Variants in GDPD5 observed in about 807,000 individuals in gnomAD.
GDPD5 encodes glycerophosphodiester phosphodiesterase 2.
A neutral mutation model predicts 75.1 loss-of-function variants in GDPD5; 48 were observed. The observed-to-expected ratio is 0.64, with a 90% CI of 0.51 to 0.81. The LOEUF (loss-of-function observed/expected upper bound fraction) is 0.81, where lower values mean the gene tolerates loss of function less well. Ranked by LOEUF, GDPD5 falls within the 40% of genes least tolerant of loss-of-function variation. The pLI is 0.00. For missense variants in GDPD5, 706 were observed against 822.6 expected (o/e 0.86, Z 1.73); for synonymous variants, 336 against 339.0 (o/e 0.99, Z 0.10).
At chr11:75,451,914 A>G (rs1039445904) in intron 6 of GDPD5, 1 of 152,182 alleles carries the variant, frequency 6.6e-6, no homozygotes, top group Non-Finnish European at 1.5e-5. Context: ...TAGCACTGAC[A>G]CCCAAAAACG....
intron 15 of GDPD5, among the ~76,000 whole-genome samples, chr11:75,439,180 A>AGGATTGTG (rs1948715583): frequency 6.6e-6 from 1 of 152,172 alleles, no homozygotes; most frequent in African/African-American, 2.4e-5. Context: ...AGCAGAAAAG[A>AGGATTGTG]GGATTGCGGG....
At chr11:75,477,525 G>A (rs763293179) in intron 3 of GDPD5, 94 bp downstream of exon 3, 13 of 692,272 alleles carry the variant, frequency 1.9e-5, no homozygotes, top group Middle Eastern at 2.6e-4. Context: ...TGTCCAGAGC[G>A]AGTCAGCAGA....
At chr11:75,487,189 T>C (rs1047165337) in intron 2 of GDPD5, among the ~76,000 whole-genome samples, 4 of 152,206 alleles carry the variant, frequency 2.6e-5, no homozygotes, top group Non-Finnish European at 5.9e-5. Context: ...CTCAGTCTAT[T>C]TTCCATTGCA....
chr11:75,481,599 T>A (rs1222012652), intron 2 of GDPD5, among the ~76,000 whole-genome samples: 1 of 151,988 alleles, frequency 6.6e-6, no homozygotes, highest in Non-Finnish European at 1.5e-5. Flanking sequence ...TAGGGTGCTC[T>A]CAGCTTTACT....
At chr11:75,492,661 A>G (rs1044325378) in intron 1 of GDPD5, among the ~76,000 whole-genome samples, 2 of 152,238 alleles carry the variant, frequency 1.3e-5, no homozygotes, top group African/African-American at 2.4e-5. Flanking sequence ...TCATAGGATC[A>G]TGGACTGCAC....
intron 1 of GDPD5, among the ~76,000 whole-genome samples, chr11:75,519,196 C>T (rs1313146275): frequency 6.6e-6 from 1 of 152,104 alleles, no homozygotes. Context: ...TCTGCCCAAG[C>T]TCTCCTCCTT....
intron 1 of GDPD5, among the ~76,000 whole-genome samples, chr11:75,518,586 G>A (rs183665490): frequency 1.5e-3 from 232 of 152,332 alleles, no homozygotes; most frequent in African/African-American, 5.0e-3. Flanking sequence ...GATGCCCACT[G>A]CTGCCCTTCC....
intron 3 of GDPD5, among the ~76,000 whole-genome samples, chr11:75,476,750 G>A (rs566335359): frequency 6.6e-6 from 1 of 152,290 alleles, no homozygotes; most frequent in South Asian, 2.1e-4. Context: ...AGGCTCCTCA[G>A]TCTAGGGCTC....
At chr11:75,459,168 T>C (rs919968715) in intron 4 of GDPD5, among the ~76,000 whole-genome samples, 1 of 152,236 alleles carries the variant, frequency 6.6e-6, no homozygotes, top group Non-Finnish European at 1.5e-5. Context: ...ACTGAATTAA[T>C]GTACCATATG....
chr11:75,505,768 A>G (rs1160478488), intron 1 of GDPD5, among the ~76,000 whole-genome samples: 1 of 152,166 alleles, frequency 6.6e-6, no homozygotes, highest in South Asian at 2.1e-4. Flanking sequence ...TGCACCTACT[A>G]TATTTGTGAT....
At chr11:75,497,034 T>C (rs1950224185) in intron 1 of GDPD5, among the ~76,000 whole-genome samples, 1 of 152,096 alleles carries the variant, frequency 6.6e-6, no homozygotes, top group Non-Finnish European at 1.5e-5. Flanking sequence ...CTCCCCACCT[T>C]GGCCTCCCAA....
intron 2 of GDPD5, among the ~76,000 whole-genome samples, chr11:75,482,016 T>A (rs1949929395): frequency 6.6e-6 from 1 of 152,128 alleles, no homozygotes; most frequent in African/African-American, 2.4e-5. Flanking sequence ...GTGGACATCC[T>A]GCAATGCACG....
intron 1 of GDPD5, among the ~76,000 whole-genome samples, chr11:75,509,233 C>T (rs909497746): frequency 1.3e-5 from 2 of 152,110 alleles, no homozygotes; most frequent in Non-Finnish European, 1.5e-5. Flanking sequence ...AGGCCGAGAC[C>T]CCTGGGTTGC....
chr11:75,436,747 G>T (rs1271997095), intron 16 of GDPD5, among the ~76,000 whole-genome samples, 189 bp downstream of exon 16: 2 of 152,154 alleles, frequency 1.3e-5, no homozygotes, highest in South Asian at 2.1e-4. Context: ...GGGGGTGTGT[G>T]TTTTCACACG....
intron 1 of GDPD5, among the ~76,000 whole-genome samples, chr11:75,514,616 C>T (rs1044903273): frequency 6.6e-6 from 1 of 152,232 alleles, no homozygotes; most frequent in Admixed American, 6.5e-5. Flanking sequence ...AACCCCCAAG[C>T]TCCAAGGTGA....
intron 7 of GDPD5, 51 bp downstream of exon 7, chr11:75,449,834 G>T: frequency 6.4e-7 from 1 of 1,564,420 alleles, no homozygotes; most frequent in Non-Finnish European, 8.8e-7. Context: ...AGAAAGGGAA[G>T]TGACAGAAAG....
In GDPD5 at chr11:75,449,523, G is replaced by A. The variant is rs777970581; in HGVS notation, c.562C>T (p.Arg188Trp). Residue 188 changes from arginine (R) to tryptophan (W), a missense_variant, in exon 8 of 17, where the codon CGG becomes TGG. Transcript: ENST00000336898. ...IVAGQFARAE[R>W]TSSQVTILCT... ...CCTTCACAGTTCTACTCACAGGTCC[G>A]CTCTGCGCGGGCGAACTGTCCTGCC... 3.2e-6 allele frequency: 5 copies of A among 1,571,818 alleles called. No individual in the cohort carries two copies. Among genetic ancestry groups the A allele is most frequent in the East Asian group, 2.3e-5 (1 of 43,120 alleles).
chr11:75,490,945 A>T (rs529788296), intron 1 of GDPD5, among the ~76,000 whole-genome samples: 4 of 152,256 alleles, frequency 2.6e-5, no homozygotes, highest in African/African-American at 9.6e-5. Context: ...TGAGGAGGAG[A>T]CTGCAGACCA....
At chr11:75,476,096 C>T (rs759579794) in intron 3 of GDPD5, among the ~76,000 whole-genome samples, 9 of 152,184 alleles carry the variant, frequency 5.9e-5, no homozygotes, top group Non-Finnish European at 1.0e-4. Flanking sequence ...TCCTTCTTCT[C>T]ACCTTAGCCT....
Sources: gnomAD v4.1 joint callset for allele counts (sites outside exome capture counted in the v4.1 genomes callset) on GRCh38, gnomAD v4.1.1 for gene constraint, MANE v1.5 for transcripts, NCBI Gene and HGNC (gene_info 2026-07-23, HGNC 2026-07-21) for gene names.